The following CRYZL1 variants were observed in gnomAD, a reference collection of about 807,000 sequenced individuals.
CRYZL1 encodes ferry endosomal RAB5 effector complex subunit 4.
CRYZL1 carries 34 observed loss-of-function variants against 50.6 expected under a neutral mutation model. The ratio of observed to expected loss-of-function variants is 0.67; its 90% CI spans 0.51 to 0.89. The LOEUF (loss-of-function observed/expected upper bound fraction) is 0.89. CRYZL1 is among the 40% of genes least tolerant of loss of function. The pLI is 0.00. For missense variants in CRYZL1, 354 were observed against 402.3 expected (o/e 0.88, Z 1.03); for synonymous variants, 125 against 134.3 (o/e 0.93, Z 0.48).
At chr21:33,608,548 G>C (rs1456168539) in intron 6 of CRYZL1, among the ~76,000 whole-genome samples, 1 of 152,122 alleles carries the variant, frequency 6.6e-6, no homozygotes, top group Non-Finnish European at 1.5e-5. Flanking sequence ...CCAGCCCGCA[G>C]CCTCTGTAGC....
chr21:33,641,155 G>A, intron 1 of CRYZL1: 1 of 1,550,038 alleles, frequency 6.5e-7, no homozygotes, highest in Non-Finnish European at 8.7e-7. Context: ...CCCCGACCCA[G>A]ACCTATCCCA....
chr21:33,604,095 T>C (rs2086785002), intron 6 of CRYZL1, among the ~76,000 whole-genome samples: 2 of 151,184 alleles, frequency 1.3e-5, no homozygotes. Flanking sequence ...TGGCCGGGCG[T>C]GGTGGCTCAC....
chr21:33,601,974 CT>C (rs2145924020), intron 8 of CRYZL1, among the ~76,000 whole-genome samples: 1 of 146,868 alleles, frequency 6.8e-6, no homozygotes, highest in East Asian at 2.0e-4. Flanking sequence ...TTGAAACTGA[CT>C]TTCATTTGGG....
intron 1 of CRYZL1, chr21:33,641,223 C>T: frequency 6.4e-7 from 1 of 1,550,578 alleles, no homozygotes; most frequent in Non-Finnish European, 8.7e-7. Flanking sequence ...TGAAGAGGGC[C>T]GATCTGGCTC....
intron 6 of CRYZL1, among the ~76,000 whole-genome samples, chr21:33,607,163 AT>A (rs1332715995): frequency 2.6e-5 from 4 of 152,242 alleles, no homozygotes; most frequent in African/African-American, 9.6e-5. Flanking sequence ...GCTTGACAGA[AT>A]TGCTTAAGAA....
chr21:33,637,281 T>C (rs1392758855), intron 1 of CRYZL1, among the ~76,000 whole-genome samples: 2 of 151,858 alleles, frequency 1.3e-5, no homozygotes, highest in East Asian at 3.9e-4. Flanking sequence ...CCGTCTCTAC[T>C]AAAAATACAA....
At chr21:33,616,387 G>T (rs2086932429) in intron 5 of CRYZL1, 1 of 225,986 alleles carries the variant, frequency 4.4e-6, no homozygotes, top group Non-Finnish European at 9.1e-6. Context: ...CTGCCTCCTG[G>T]GTTTAAGCAA....
chr21:33,619,881 T>C (rs2086974456), intron 4 of CRYZL1, among the ~76,000 whole-genome samples: 1 of 151,672 alleles, frequency 6.6e-6, no homozygotes, highest in South Asian at 2.1e-4. Context: ...TTGCCCCTTA[T>C]GATTTGGACA....
At chr21:33,596,059 A>C in intron 10 of CRYZL1, 1 of 600,834 alleles carries the variant, frequency 1.7e-6, no homozygotes, top group Non-Finnish European at 3.1e-6. Context: ...GCCAATCTAG[A>C]ATCCTGGTGG....
intron 11 of CRYZL1, chr21:33,594,484 T>A (rs1388187073): frequency 6.6e-6 from 1 of 151,920 alleles, no homozygotes; most frequent in Non-Finnish European, 1.5e-5. Flanking sequence ...AAAATGAAAT[T>A]AATTAAAAAT....
chr21:33,632,813 C>T lies in CRYZL1; in HGVS notation c.-6-1256G>A, dbSNP rs901754902. ...TAGAAAAGTACACAAATCCTTGAAGCGCATAACTTGTTGAATTTTACAGTG... is the reference window on the plus strand; with the variant it reads ...TAGAAAAGTACACAAATCCTTGAAGTGCATAACTTGTTGAATTTTACAGTG... On this transcript the variant is annotated intron_variant, in intron 1 of 12. Transcript: ENST00000381554. Among the ~76,000 whole-genome samples the T allele has an allele frequency of 5.9e-5, 9 of 152,148 alleles. No individual in the cohort carries two copies. The East Asian group carries it at 7.7e-4, about 13-fold the overall frequency.
At chr21:33,625,708 T>C (rs1484036693) in intron 2 of CRYZL1, among the ~76,000 whole-genome samples, 6 of 151,996 alleles carry the variant, frequency 3.9e-5, no homozygotes, top group Admixed American at 3.3e-4. Flanking sequence ...GGTCTCTAAG[T>C]CCTGGGCTCA....
At chr21:33,625,813 T>C (rs929308332) in intron 2 of CRYZL1, among the ~76,000 whole-genome samples, 3 of 151,868 alleles carry the variant, frequency 2.0e-5, no homozygotes, top group Non-Finnish European at 4.4e-5. Flanking sequence ...ATAAGTGAAA[T>C]TCTTTTTTAA....
At chr21:33,640,804 G>A (rs1244176771) in intron 1 of CRYZL1, among the ~76,000 whole-genome samples, 1 of 152,204 alleles carries the variant, frequency 6.6e-6, no homozygotes, top group Non-Finnish European at 1.5e-5. Flanking sequence ...GCGCTGTTAA[G>A]TGGAAAATAC....
At chr21:33,603,144 C>T in intron 7 of CRYZL1, 1 of 382,834 alleles carries the variant, frequency 2.6e-6, no homozygotes, top group Non-Finnish European at 4.8e-6. Flanking sequence ...GCATCTTAGG[C>T]TTTGTCTAAC....
chr21:33,602,472 C>A, intron 7 of CRYZL1, 127 bp from the exon 8 acceptor site: 1 of 444,122 alleles, frequency 2.3e-6, no homozygotes, highest in Non-Finnish European at 4.0e-6. Flanking sequence ...AAAATGTTAT[C>A]TAATAGGAAA....
intron 2 of CRYZL1, among the ~76,000 whole-genome samples, chr21:33,627,451 C>T (rs1036184071): frequency 6.6e-6 from 1 of 152,062 alleles, no homozygotes; most frequent in Non-Finnish European, 1.5e-5. Context: ...ATTGTGTTCA[C>T]GATCAAAACT....
At chr21:33,628,027 A>T (rs1030290802) in intron 2 of CRYZL1, among the ~76,000 whole-genome samples, 1 of 152,068 alleles carries the variant, frequency 6.6e-6, no homozygotes, top group Admixed American at 6.6e-5. Context: ...TTATAGGCGT[A>T]AGCCACCGCA....
At chr21:33,601,896 GAC>G (rs1274433608) in intron 8 of CRYZL1, among the ~76,000 whole-genome samples, 1 of 145,634 alleles carries the variant, frequency 6.9e-6, no homozygotes, top group African/African-American at 2.5e-5. Flanking sequence ...CCAGCTGGGT[GAC>G]ACAGTGAGAC....
Sources: gnomAD v4.1 joint callset for allele counts (sites outside exome capture counted in the v4.1 genomes callset) on GRCh38, gnomAD v4.1.1 for gene constraint, MANE v1.5 for transcripts, NCBI Gene and HGNC (gene_info 2026-07-23, HGNC 2026-07-21) for gene names.